Variants in CACNA1D observed in about 807,000 individuals in gnomAD.
CACNA1D encodes the protein calcium voltage-gated channel subunit alpha1 D, also known as voltage-dependent L-type calcium channel subunit alpha-1D.
In CACNA1D, 55 loss-of-function variants were observed where a neutral mutation model predicts 257.1. That is an observed-to-expected ratio of 0.21 (90% CI 0.17 to 0.27). The LOEUF (loss-of-function observed/expected upper bound fraction) is 0.27. Ranked by LOEUF, CACNA1D falls within the 10% of genes least tolerant of loss-of-function variation. The pLI is 1.00. For missense variants in CACNA1D, 1,876 were observed against 2,784.0 expected (o/e 0.67, Z 7.34); for synonymous variants, 980 against 1,014.9 (o/e 0.97, Z 0.65).
chr3:53,691,383 G>A (rs1395539532), intron 8 of CACNA1D, among the ~76,000 whole-genome samples: 1 of 151,896 alleles, frequency 6.6e-6, no homozygotes, highest in African/African-American at 2.4e-5. Flanking sequence ...CAGGTGATCT[G>A]CCCGTCTCGG....
At position 53,651,317 on chromosome 3, in the gene CACNA1D, A is replaced by G. The variant is rs111510954; in HGVS notation, c.623+399A>G. ...TAAAAAGTAATAAAACCTTCATAGC[A>G]GTAAGGTACTCTGCTATTTAACATC... On this transcript the variant is annotated intron_variant, in intron 4 of 47. Transcript: ENST00000350061. Among the ~76,000 whole-genome samples the G allele has an allele frequency of 3.4e-3, 505 of 149,830 alleles. 3 individuals are homozygous for G. Among genetic ancestry groups the G allele is most frequent in the Non-Finnish European group, 5.0e-3 (342 of 67,812 alleles).
chr3:53,709,752 C>T (rs1456700354), intron 9 of CACNA1D, among the ~76,000 whole-genome samples: 5 of 152,184 alleles, frequency 3.3e-5, no homozygotes, highest in East Asian at 1.9e-4. Flanking sequence ...ATGGGAGAGT[C>T]GTAGTGATGA....
chr3:53,658,264 T>C (rs747751799), intron 4 of CACNA1D, among the ~76,000 whole-genome samples: 7 of 152,092 alleles, frequency 4.6e-5, no homozygotes, highest in Admixed American at 1.3e-4. Context: ...GGTCATTCTC[T>C]GAGTCGTTAA....
intron 3 of CACNA1D, among the ~76,000 whole-genome samples, chr3:53,605,324 G>A (rs1407570956): frequency 6.6e-6 from 1 of 152,180 alleles, no homozygotes; most frequent in Non-Finnish European, 1.5e-5. Context: ...GCCCCTCAAA[G>A]TACTTTCATC....
intron 3 of CACNA1D, among the ~76,000 whole-genome samples, chr3:53,600,847 CT>C (rs1277094669): frequency 6.6e-6 from 1 of 152,162 alleles, no homozygotes; most frequent in African/African-American, 2.4e-5. Flanking sequence ...TTTAACCCCC[CT>C]GTTCGCTGAA....
chr3:53,669,032 G>T (rs908764513), intron 7 of CACNA1D, among the ~76,000 whole-genome samples: 3 of 152,202 alleles, frequency 2.0e-5, no homozygotes, highest in African/African-American at 7.2e-5. Context: ...CTCTTTCCTT[G>T]GCATTCTTCC....
intron 3 of CACNA1D, among the ~76,000 whole-genome samples, chr3:53,649,416 AG>A (rs2094062765): frequency 6.6e-6 from 1 of 152,200 alleles, no homozygotes; most frequent in Admixed American, 6.5e-5. Flanking sequence ...GTGAAAAGGC[AG>A]GGGTGGCCTG....
At chr3:53,712,347 CAT>C (rs1559554380) in intron 9 of CACNA1D, among the ~76,000 whole-genome samples, 1 of 152,204 alleles carries the variant, frequency 6.6e-6, no homozygotes, top group Non-Finnish European at 1.5e-5. Flanking sequence ...CACGAGCCCT[CAT>C]ATGGATGCTG....
intron 3 of CACNA1D, among the ~76,000 whole-genome samples, chr3:53,553,801 G>C (rs2092584071): frequency 6.6e-6 from 1 of 151,644 alleles, no homozygotes; most frequent in Non-Finnish European, 1.5e-5. Flanking sequence ...GGAAGAGAGA[G>C]TAAAAATTAG....
chr3:53,550,159 G>A (rs996173167), intron 3 of CACNA1D, among the ~76,000 whole-genome samples: 3 of 152,136 alleles, frequency 2.0e-5, no homozygotes, highest in African/African-American at 4.8e-5. Flanking sequence ...GAGAGCTGGG[G>A]ATGCCCTTCC....
At position 53,800,949 on chromosome 3, in the gene CACNA1D, A is replaced by G. The variant is rs951154564; in HGVS notation, c.5041-109A>G. On this transcript the variant is annotated intron_variant, in intron 41 of 47. Coordinates refer to ENST00000350061, the MANE Select transcript of CACNA1D (RefSeq NM_001128840.3). The surrounding 1 kb of genome is among the most constrained non-coding windows in gnomAD (Gnocchi z 4.3). ...ACTCAGATTGTTTTACAGGGATCCT[A>G]CGGAGCTTGCCTAGAATTTGTTTTT... 1.9e-6 allele frequency: 2 copies of G among 1,052,248 alleles called. No homozygotes were observed. Among genetic ancestry groups the G allele is most frequent in the African/African-American group, 1.6e-5 (1 of 64,248 alleles). The allele number at this position is 1,052,248 out of a possible 1,614,324, so 65.2% of individuals were successfully genotyped here.
intron 3 of CACNA1D, among the ~76,000 whole-genome samples, chr3:53,528,885 ATTAC>A (rs2091854496): frequency 6.6e-6 from 1 of 152,128 alleles, no homozygotes; most frequent in East Asian, 1.9e-4. Context: ...ACATTTACTT[ATTAC>A]TTCCAGTAGT....
chr3:53,695,709 G>T (rs189334040), intron 8 of CACNA1D, among the ~76,000 whole-genome samples: 99 of 152,282 alleles, frequency 6.5e-4, no homozygotes, highest in African/African-American at 2.3e-3. Context: ...TGAGAAGTGT[G>T]TTTTTGACCA....
intron 3 of CACNA1D, among the ~76,000 whole-genome samples, chr3:53,555,461 T>TGTGTGTGTGTG (rs533515957): frequency 1.1e-4 from 11 of 99,352 alleles, no homozygotes; most frequent in African/African-American, 5.4e-4. Context: ...TGTGTGTGTG[T>TGTGTGTGTGTG]TTTTTTTTTT....
intron 31 of CACNA1D, 143 bp from the exon 32 acceptor site, chr3:53,770,281 T>C (rs1424164481): frequency 2.3e-6 from 2 of 876,780 alleles, no homozygotes; most frequent in East Asian, 4.8e-5. Flanking sequence ...CTTCCTTTCA[T>C]ATCATGCTTT....
chr3:53,805,115 A>T lies in CACNA1D; in HGVS notation c.5718A>T (p.Pro1906=), dbSNP rs769457963. ...TTTGCTATGATTCACGGAGATCTCC[A>T]AGGAGACGCCTACTACCTCCCACCC... ...SPVCYDSRRS[P]RRRLLPPTPA... Residue 1906 remains proline (P), a synonymous_variant, in exon 45 of 48, where the codon CCA becomes CCT. Coordinates refer to ENST00000350061, the MANE Select transcript of CACNA1D (RefSeq NM_001128840.3). 1 of 1,614,066 alleles carries T rather than the reference A, an allele frequency of 6.2e-7. No homozygotes were observed. The highest frequency in any genetic ancestry group is 8.5e-7 in the Non-Finnish European group (1 of 1,180,020).
chr3:53,768,690 T>G (rs1485528569), intron 30 of CACNA1D, among the ~76,000 whole-genome samples: 3 of 152,212 alleles, frequency 2.0e-5, no homozygotes, highest in Non-Finnish European at 4.4e-5. Context: ...TTGGGTTCAT[T>G]GTCACATTAC....
rs931645706 is a variant in CACNA1D, at chr3:53,495,427, G to A, written c.67+194G>A. 2.0e-5 allele frequency among the ~76,000 whole-genome samples: 3 copies of A among 152,182 alleles called. No homozygotes were observed. Among genetic ancestry groups the A allele is most frequent in the African/African-American group, 7.2e-5 (3 of 41,440 alleles). On this transcript the variant is annotated intron_variant, in intron 1 of 47. Transcript: ENST00000350061. The surrounding 1 kb of genome is among the most constrained non-coding windows in gnomAD (Gnocchi z 5.1). The stretch of plus-strand genomic sequence containing the variant: ...TCCCCTCCAGGCCCTGAATGTCAGA[G>A]TTAATTCTGCATTTGTGGGGTGGGG...
intron 44 of CACNA1D, among the ~76,000 whole-genome samples, chr3:53,803,917 G>A (rs930460668): frequency 3.3e-5 from 5 of 152,178 alleles, no homozygotes; most frequent in Admixed American, 3.3e-4. Flanking sequence ...AACACTTGGA[G>A]CTCTGGCGGC....
Sources: allele counts gnomAD v4.1 joint callset (sites outside exome capture counted in the v4.1 genomes callset), GRCh38; gene constraint gnomAD v4.1.1; non-coding constraint Gnocchi (gnomAD v3.1); transcripts MANE v1.5; gene names NCBI Gene and HGNC (gene_info 2026-07-23, HGNC 2026-07-21).